The following PACSIN2 variants were observed in gnomAD, a reference collection of about 807,000 sequenced individuals.
PACSIN2 encodes the protein protein kinase C and casein kinase substrate in neurons 2.
Under a neutral mutation model 63.8 loss-of-function variants are expected in PACSIN2, and 25 were observed. The ratio of observed to expected loss-of-function variants is 0.39; its 90% CI spans 0.29 to 0.55. The LOEUF (loss-of-function observed/expected upper bound fraction) is 0.55. Ranked by LOEUF, PACSIN2 falls within the 20% of genes least tolerant of loss-of-function variation. PACSIN2 has a pLI of 0.62. For missense variants in PACSIN2, 518 were observed against 646.9 expected, an observed-to-expected ratio of 0.80 and a Z score of 2.16; for synonymous variants, 255 against 256.2, an observed-to-expected ratio of 1.00 and a Z score of 0.05.
chr22:42,921,741 T>TC (rs34276880), intron 1 of PACSIN2, among the ~76,000 whole-genome samples: 5 of 60,170 alleles, frequency 8.3e-5, no homozygotes, highest in African/African-American at 2.1e-4. Context: ...ATTTAGAAGC[T>TC]TTTTTTTTTT....
chr22:42,942,873 A>C (rs540021554), intron 1 of PACSIN2, among the ~76,000 whole-genome samples: 75 of 152,310 alleles, frequency 4.9e-4, no homozygotes, highest in African/African-American at 1.7e-3. Flanking sequence ...TGACTTTTCA[A>C]AACTGTTCTG....
At chr22:42,996,708 A>AG (rs1261758671) in intron 1 of PACSIN2, among the ~76,000 whole-genome samples, 1 of 152,046 alleles carries the variant, frequency 6.6e-6, no homozygotes, top group Non-Finnish European at 1.5e-5. Context: ...GGGGAAAAAA[A>AG]GCAGAGAATA....
chr22:43,010,398 A>ATATATATTTTTT, intron 1 of PACSIN2, among the ~76,000 whole-genome samples: 51 of 126,406 alleles, frequency 4.0e-4, no homozygotes, highest in African/African-American at 5.7e-4. Flanking sequence ...ATATATATAT[A>ATATATATTTTTT]TTTTTTTTTA....
chr22:42,901,569 T>C (rs1452818343), intron 2 of PACSIN2, among the ~76,000 whole-genome samples: 1 of 152,154 alleles, frequency 6.6e-6, no homozygotes, highest in East Asian at 1.9e-4. Flanking sequence ...AGTTGTCAGG[T>C]AGAGTCAGAG....
chr22:42,963,769 CATGGAACGGGACCTGCT>C, intron 1 of PACSIN2, among the ~76,000 whole-genome samples: 1 of 152,214 alleles, frequency 6.6e-6, no homozygotes, highest in East Asian at 1.9e-4. Flanking sequence ...CCGTGCCTCC[CATGGAACGGGACCTGCT>C]ATGAAAATCA....
At chr22:43,001,812 G>C (rs557015876) in intron 1 of PACSIN2, among the ~76,000 whole-genome samples, 14 of 152,188 alleles carry the variant, frequency 9.2e-5, no homozygotes, top group Non-Finnish European at 1.6e-4. Flanking sequence ...TGGAGGCATC[G>C]CAGGAATTCT....
At chr22:42,964,311 G>C (rs566006625) in intron 1 of PACSIN2, among the ~76,000 whole-genome samples, 43 of 152,000 alleles carry the variant, frequency 2.8e-4, no homozygotes, top group Admixed American at 7.9e-4. Flanking sequence ...TCAGCTACTC[G>C]AGAGGCTGAG....
chr22:42,915,043 T>C (rs1049043211), intron 1 of PACSIN2, among the ~76,000 whole-genome samples: 14 of 151,862 alleles, frequency 9.2e-5, no homozygotes, highest in Non-Finnish European at 1.9e-4. Flanking sequence ...AAAAAAAAAA[T>C]TTATGTGTGG....
In PACSIN2 at chr22:42,951,483, G is replaced by A. The variant is rs576748428; in HGVS notation, c.-77-39326C>T. ...CTGAGCTCCAGATCCGGCATGGCCCGAGCTGCTGGCTCAGCATCTCCCCCT... is the reference window on the plus strand; with the variant it reads ...CTGAGCTCCAGATCCGGCATGGCCCAAGCTGCTGGCTCAGCATCTCCCCCT... On this transcript the variant is annotated intron_variant, in intron 1 of 10. Transcript: ENST00000263246. 3.1e-3 allele frequency among the ~76,000 whole-genome samples: 470 copies of A among 152,166 alleles called. 2 individuals carry two copies. The highest frequency in any genetic ancestry group is 0.011 in the African/African-American group (461 of 41,512).
intron 1 of PACSIN2, among the ~76,000 whole-genome samples, chr22:42,963,276 AGT>A (rs968182164): frequency 1.3e-5 from 2 of 152,226 alleles, no homozygotes; most frequent in Non-Finnish European, 2.9e-5. Context: ...GTTCTCCAAG[AGT>A]GTGCAACCAG....
chr22:42,985,379 T>C (rs1601604840), intron 1 of PACSIN2, among the ~76,000 whole-genome samples: 2 of 152,180 alleles, frequency 1.3e-5, no homozygotes, highest in African/African-American at 2.4e-5. Flanking sequence ...AGACTGGCTG[T>C]CTCCCACAAG....
intron 1 of PACSIN2, among the ~76,000 whole-genome samples, chr22:42,916,182 C>G (rs1311762149): frequency 1.3e-5 from 2 of 152,174 alleles, no homozygotes; most frequent in Non-Finnish European, 2.9e-5. Flanking sequence ...AGGTCACAGG[C>G]CGTGGCACGG....
intron 1 of PACSIN2, among the ~76,000 whole-genome samples, chr22:42,968,286 T>G (rs774781046): frequency 2.0e-5 from 3 of 151,608 alleles, no homozygotes; most frequent in African/African-American, 7.3e-5. Flanking sequence ...GTCTGCCACC[T>G]TTTTTTTCAT....
chr22:43,001,557 C>G (rs737782), intron 1 of PACSIN2, among the ~76,000 whole-genome samples: 53,315 of 152,138 alleles, frequency 0.35, 10,593 homozygotes, highest in Non-Finnish European at 0.45. Flanking sequence ...TGCAGTCAGA[C>G]GAGCCCTGAA....
chr22:42,923,360 T>TGGCCCGCA (rs1313096427), intron 1 of PACSIN2, among the ~76,000 whole-genome samples: 9 of 152,232 alleles, frequency 5.9e-5, no homozygotes, highest in Non-Finnish European at 1.2e-4. Context: ...CAGGTCCTCC[T>TGGCCCGCA]GGCCCGCAGG....
intron 1 of PACSIN2, among the ~76,000 whole-genome samples, chr22:42,984,491 C>G (rs1922470836): frequency 6.6e-6 from 1 of 152,114 alleles, no homozygotes; most frequent in African/African-American, 2.4e-5. Flanking sequence ...TGCATCTCCC[C>G]AGACTGGATC....
At chr22:42,899,405 G>T (rs943728068) in intron 2 of PACSIN2, among the ~76,000 whole-genome samples, 6 of 151,838 alleles carry the variant, frequency 4.0e-5, no homozygotes, top group African/African-American at 1.2e-4. Context: ...TTCCTGCCTC[G>T]GCCTCCCGAG....
At chr22:42,934,358 A>G (rs1026377582) in intron 1 of PACSIN2, among the ~76,000 whole-genome samples, 4 of 152,252 alleles carry the variant, frequency 2.6e-5, no homozygotes, top group African/African-American at 9.6e-5. Flanking sequence ...GTGTGTGTGC[A>G]GATCGCCTTT....
At chr22:42,977,378 T>C (rs1555941903) in intron 1 of PACSIN2, among the ~76,000 whole-genome samples, 1 of 152,072 alleles carries the variant, frequency 6.6e-6, no homozygotes, top group Non-Finnish European at 1.5e-5. Context: ...GATATAGGTA[T>C]GGAATTCACA....
Sources: allele counts gnomAD v4.1 joint callset (sites outside exome capture counted in the v4.1 genomes callset), GRCh38; gene constraint gnomAD v4.1.1; transcripts MANE v1.5; gene names NCBI Gene and HGNC (gene_info 2026-07-23, HGNC 2026-07-21).